The following NPHP4 variants were observed in gnomAD, a reference collection of about 807,000 sequenced individuals.
NPHP4 encodes the protein nephrocystin 4.
NPHP4 carries 151 observed loss-of-function variants against 155.8 expected under a neutral mutation model. That is an observed-to-expected ratio of 0.97 (90% confidence interval 0.85 to 1.11). The LOEUF (loss-of-function observed/expected upper bound fraction) is 1.11. NPHP4 is among the 50% of genes least tolerant of loss of function. The pLI, the probability that NPHP4 is intolerant of heterozygous loss-of-function variation, is 0.00. For synonymous variants in NPHP4, 845 were observed against 816.8 expected (o/e 1.03, Z -0.59); for missense variants, 1,956 against 1,925.7 (o/e 1.02, Z -0.29).
At chr1:5,885,985 A>C (rs980234457) in intron 18 of NPHP4, among the ~76,000 whole-genome samples, 14 of 152,196 alleles carry the variant, frequency 9.2e-5, no homozygotes, top group South Asian at 2.1e-4. Flanking sequence ...CTATGAGCTT[A>C]TCTCTCTCTT....
intron 20 of NPHP4, chr1:5,876,576 G>A (rs1315664231): frequency 1.3e-5 from 2 of 152,404 alleles, no homozygotes; most frequent in African/African-American, 4.8e-5. Flanking sequence ...TACATGCAAG[G>A]GGGAATCTCA....
At chr1:5,945,759 G>A (rs1647055527) in intron 9 of NPHP4, among the ~76,000 whole-genome samples, 1 of 152,178 alleles carries the variant, frequency 6.6e-6, no homozygotes, top group African/African-American at 2.4e-5. Flanking sequence ...TTGTTAAAAT[G>A]ATACAGAAGT....
chr1:5,909,262 TG>T (rs1645062938), intron 11 of NPHP4, 49 bp from the exon 12 acceptor site: 2 of 1,449,712 alleles, frequency 1.4e-6, no homozygotes, highest in African/African-American at 2.8e-5. Flanking sequence ...CAGCCTGTGT[TG>T]GGGGCAGTGG....
intron 11 of NPHP4, among the ~76,000 whole-genome samples, chr1:5,913,562 G>A (rs1342384236): frequency 6.6e-6 from 1 of 152,218 alleles, no homozygotes; most frequent in African/African-American, 2.4e-5. Context: ...CAGGCCTCAG[G>A]AGGCAAGGCA....
At position 5,892,661 on chromosome 1, in the gene NPHP4, G is replaced by A. The variant is rs1478955290; in HGVS notation, c.2144-1633C>T. 3.9e-5 allele frequency among the ~76,000 whole-genome samples: 6 copies of A among 151,976 alleles called. No individual in the cohort carries two copies. Among genetic ancestry groups the A allele is most frequent in the Admixed American group, 3.9e-4 (6 of 15,268 alleles). On this transcript the variant is annotated intron_variant, in intron 16 of 29. Coordinates refer to ENST00000378156, the MANE Select transcript of NPHP4 (RefSeq NM_015102.5). The surrounding 1 kb of genome is among the most constrained non-coding windows in gnomAD (Gnocchi z 4.5). Reference sequence around the variant, plus strand: ...GTCCCACTGGGTCGAGCTGTGTTTGGGACGCGCGTACTCTCCCCACTGCAG... The same window carrying A: ...GTCCCACTGGGTCGAGCTGTGTTTGAGACGCGCGTACTCTCCCCACTGCAG...
At chr1:5,925,612 T>C (rs1164941123) in intron 11 of NPHP4, among the ~76,000 whole-genome samples, 1 of 152,016 alleles carries the variant, frequency 6.6e-6, no homozygotes, top group Non-Finnish European at 1.5e-5. Flanking sequence ...GGTTTTTTTT[T>C]GTTTGTTTTG....
chr1:5,927,448 TC>T (rs377710164), intron 11 of NPHP4, among the ~76,000 whole-genome samples, 200 bp downstream of exon 11: 12 of 152,336 alleles, frequency 7.9e-5, no homozygotes, highest in African/African-American at 2.6e-4. Context: ...AGCACAAGCT[TC>T]TGGGCCACAC....
intron 16 of NPHP4, among the ~76,000 whole-genome samples, chr1:5,901,755 G>C (rs1644693602): frequency 6.6e-6 from 1 of 152,222 alleles, no homozygotes; most frequent in Non-Finnish European, 1.5e-5. Context: ...GGGAAACAGA[G>C]TGGGGAATGA....
At chr1:5,990,566 T>C (rs1656084834) in intron 1 of NPHP4, among the ~76,000 whole-genome samples, 1 of 152,166 alleles carries the variant, frequency 6.6e-6, no homozygotes. Flanking sequence ...ATCATCATTA[T>C]CGCCATCTTA....
At position 5,907,185 on chromosome 1, in the gene NPHP4, G is replaced by A. The variant is rs367694436; in HGVS notation, c.1541C>T (p.Pro514Leu). The part of the protein sequence containing the change: ...ISQLAASPRS[P>L]TQHCLARPTS... ...AGGCCTGGCCAAGCAGTGCTGAGTC[G>A]GGGACCGCGGGGAGGCCGCCAGCTG... Residue 514 changes from proline to leucine, a missense_variant, in exon 13 of 30, where the codon CCG (proline) becomes CTG (leucine). Pro to Leu is a moderately conservative substitution (Grantham distance 98). Coordinates refer to ENST00000378156, the MANE Select transcript of NPHP4 (RefSeq NM_015102.5). 134 of 1,588,298 alleles carry A rather than the reference G, an allele frequency of 8.4e-5. No homozygotes were observed. Among genetic ancestry groups the A allele is most frequent in the Admixed American group, 2.6e-4 (15 of 56,800 alleles).
chr1:5,966,537 G>GT (rs770873889), intron 5 of NPHP4, among the ~76,000 whole-genome samples: 3 of 152,146 alleles, frequency 2.0e-5, no homozygotes, highest in Admixed American at 6.5e-5. Context: ...CTGAGCCACC[G>GT]TGTCTGGCCA....
In NPHP4 at chr1:5,964,941, A is replaced by ATATATAT; in HGVS notation, c.517+2357_517+2358insATATATA. Among the ~76,000 whole-genome samples the ATATATAT allele has an allele frequency of 7.2e-4, 43 of 59,418 alleles. 1 individual carries two copies. Among genetic ancestry groups the ATATATAT allele is most frequent in the Middle Eastern group, 0.013 (1 of 78 alleles). 39.0% of individuals were successfully genotyped at this position (59,418 alleles called of 152,430 possible). ...ATTATATATATATATATATATATAT[A>ATATATAT]TTTTTTTTTTTTGAGGCAGGGTCTC... On this transcript the variant is annotated intron_variant, in intron 5 of 29. Transcript: ENST00000378156.
At chr1:5,920,457 T>C (rs530986642) in intron 11 of NPHP4, among the ~76,000 whole-genome samples, 1 of 152,288 alleles carries the variant, frequency 6.6e-6, no homozygotes, top group Non-Finnish European at 1.5e-5. Context: ...CCCGTGTTAA[T>C]TGAACCAGTA....
Position 5,887,601 on chromosome 1 carries a change from C to G in NPHP4, c.2305-135G>C, listed in dbSNP as rs980377728. On this transcript the variant is annotated intron_variant, in intron 17 of 29. Transcript: ENST00000378156. ...GGAGGGGGTGTGCGCAGGATAAGAC[C>G]CTGCACCACGCTGGGGGGTGAGGGG... 2.1e-5 allele frequency: 18 copies of G among 868,810 alleles called. No homozygotes were observed. The Admixed American group carries it at 4.5e-4, about 22-fold the overall frequency. 53.8% of individuals were successfully genotyped at this position (868,810 alleles called of 1,614,324 possible).
rs376696627 is a variant in NPHP4 at position 5,887,335 on chromosome 1, G to A, written c.2436C>T (p.Gly812=). The change falls in exon 18 of 30, where the codon GGC becomes GGT. Residue 812 remains glycine (G), a synonymous_variant. Transcript: ENST00000378156. The stretch of plus-strand genomic sequence containing the variant: ...GCCGGCCCTTCACCACCGAGTGGAC[G>A]CCGATGGGCTTGACGCGGCCAAACC... The part of the protein sequence containing the change: ...MLGFGRVKPI[G]VHSVVKGRLH... The A allele has an allele frequency of 8.0e-5, 129 of 1,613,572 alleles. No homozygotes were observed. Among genetic ancestry groups the A allele is most frequent in the African/African-American group, 6.3e-4 (47 of 75,066 alleles).
chr1:5,884,519 G>C (rs1244773142), intron 18 of NPHP4, among the ~76,000 whole-genome samples: 3 of 81,840 alleles, frequency 3.7e-5, no homozygotes, highest in African/African-American at 1.6e-4. Context: ...CACTGCCCAA[G>C]CTCCCAGCCG....
At chr1:5,931,318 C>T (rs772089127) in intron 10 of NPHP4, among the ~76,000 whole-genome samples, 9 of 150,594 alleles carry the variant, frequency 6.0e-5, no homozygotes, top group Non-Finnish European at 1.3e-4. Context: ...TAAAGCAAGT[C>T]ACTGAATTTT....
At position 5,867,503 on chromosome 1, in the gene NPHP4, T is replaced by A; in HGVS notation, c.3472+237A>T. Reference sequence around the variant, plus strand: ...ACACCTGGACCTGGGCCGCGGGAGCTGGGATTTTTTAGAAGGGCAGACTCA... The same window carrying A: ...ACACCTGGACCTGGGCCGCGGGAGCAGGGATTTTTTAGAAGGGCAGACTCA... On this transcript the variant is annotated intron_variant, in intron 24 of 29. Transcript: ENST00000378156. This position sits in a 1 kb window ranked among gnomAD's most constrained non-coding sequence, Gnocchi z 4.1. 1.7e-6 allele frequency: 1 copy of A among 582,540 alleles called. No individual in the cohort carries two copies. The highest frequency in any genetic ancestry group is 2.1e-5 in the South Asian group (1 of 47,788). 36.1% of individuals were successfully genotyped at this position (582,540 alleles called of 1,614,324 possible). A position where few individuals can be genotyped will look rare whatever the true frequency, so the allele number is the denominator to read the frequency against.
intron 16 of NPHP4, among the ~76,000 whole-genome samples, chr1:5,891,577 C>A (rs1409789805): frequency 6.6e-6 from 1 of 152,252 alleles, no homozygotes; most frequent in Non-Finnish European, 1.5e-5. Context: ...AACTGGACTG[C>A]GGCCCCTGCC....
Sources: allele counts gnomAD v4.1 joint callset (sites outside exome capture counted in the v4.1 genomes callset), GRCh38; gene constraint gnomAD v4.1.1; non-coding constraint Gnocchi (gnomAD v3.1); transcripts MANE v1.5; gene names NCBI Gene and HGNC (gene_info 2026-07-23, HGNC 2026-07-21).